TERF1: variants seen among roughly 807,000 people sequenced by gnomAD.
The protein encoded by TERF1 is telomeric repeat-binding factor 1.
Under a neutral mutation model 55.1 loss-of-function variants are expected in TERF1, and 20 were observed. The observed-to-expected ratio is 0.36, with a 90% CI of 0.26 to 0.53. The LOEUF is 0.53. Ranked by LOEUF, TERF1 falls within the 20% of genes least tolerant of loss-of-function variation. The pLI, the probability that TERF1 is intolerant of heterozygous loss-of-function variation, is 0.91. For synonymous variants in TERF1, 168 were observed against 181.2 expected, an observed-to-expected ratio of 0.93 and a Z score of 0.59; for missense variants, 439 against 535.7, an observed-to-expected ratio of 0.82 and a Z score of 1.78.
intron 4 of TERF1, among the ~76,000 whole-genome samples, chr8:73,023,955 G>T (rs1053118247): frequency 6.6e-6 from 1 of 152,092 alleles, no homozygotes; most frequent in African/African-American, 2.4e-5. Flanking sequence ...TAGAATAGCT[G>T]GTTTCACTTT....
At position 73,045,306 on chromosome 8, in the gene TERF1, G is replaced by A. The variant is rs574139540; in HGVS notation, c.1144-655G>A. 1.1e-3 allele frequency among the ~76,000 whole-genome samples: 162 copies of A among 152,270 alleles called. 3 individuals carry two copies. In the South Asian group the frequency reaches 0.032, roughly 30 times the overall value. ...TAGTCTAGACACAGTAAATAACCAC[G>A]CAGATGGTCAAATTGCTCTTTCAGC... On this transcript the variant is annotated intron_variant, in intron 9 of 9. Transcript: ENST00000276603.
intron 3 of TERF1, among the ~76,000 whole-genome samples, chr8:73,021,878 T>A (rs1196366944): frequency 1.3e-5 from 2 of 152,212 alleles, no homozygotes; most frequent in African/African-American, 4.8e-5. Context: ...ATTTCCCTTT[T>A]ACTCAAAATT....
Position 73,026,973 on chromosome 8 carries a change from A to G in TERF1, c.808A>G (p.Arg270Gly). The G allele has an allele frequency of 6.2e-7, 1 of 1,612,170 alleles. No homozygotes were observed. Among genetic ancestry groups the G allele is most frequent in the Middle Eastern group, 2.1e-4 (1 of 4,816 alleles). ...AAKVVESKRT[R>G]TITSQDKPSG... ...AAAAGTAGTAGAAAGCAAAAGGACA[A>G]GAACAATAACTTCTCAAGATAAACC... The change falls in exon 6 of 10, where the codon AGA becomes GGA. Residue 270 changes from arginine (R) to glycine (G), a missense_variant. Physicochemically the swap from Arg to Gly is moderately radical, Grantham distance 125. Transcript: ENST00000276603.
intron 9 of TERF1, among the ~76,000 whole-genome samples, chr8:73,040,001 C>CTTTT (rs33975806): frequency 1.7e-5 from 2 of 114,350 alleles, no homozygotes; most frequent in African/African-American, 3.3e-5. Flanking sequence ...TCGAAGGTGC[C>CTTTT]TTTTTTTTTT....
At chr8:73,023,638 C>A (rs1490480297) in intron 4 of TERF1, among the ~76,000 whole-genome samples, 1 of 152,080 alleles carries the variant, frequency 6.6e-6, no homozygotes, top group Non-Finnish European at 1.5e-5. Context: ...CTTATACCTC[C>A]CAGAAGAGGA....
At chr8:73,026,122 C>T (rs957903651) in intron 5 of TERF1, among the ~76,000 whole-genome samples, 2 of 141,506 alleles carry the variant, frequency 1.4e-5, no homozygotes, top group African/African-American at 2.7e-5. Flanking sequence ...TTGCTTGAAC[C>T]CAGGAGGTTG....
chr8:73,023,471 G>A (rs1025513943), intron 4 of TERF1, among the ~76,000 whole-genome samples: 5 of 152,178 alleles, frequency 3.3e-5, no homozygotes, highest in Admixed American at 2.6e-4. Context: ...AGAGTAGGTT[G>A]GGCAGTTTTG....
At chr8:73,024,641 A>G (rs1017317489) in intron 4 of TERF1, among the ~76,000 whole-genome samples, 181 bp from the exon 5 acceptor site, 2 of 150,182 alleles carry the variant, frequency 1.3e-5, no homozygotes, top group Non-Finnish European at 2.9e-5. Flanking sequence ...TAAAATGAGG[A>G]GAGGCCAGAA....
chr8:73,037,116 A>G (rs1809553555), intron 8 of TERF1, among the ~76,000 whole-genome samples: 1 of 134,446 alleles, frequency 7.4e-6, no homozygotes, highest in South Asian at 2.1e-4. Flanking sequence ...ATAAAACCCC[A>G]TATATACTAT....
intron 5 of TERF1, among the ~76,000 whole-genome samples, chr8:73,025,408 G>C (rs1349099271): frequency 1.3e-5 from 2 of 150,764 alleles, no homozygotes; most frequent in Admixed American, 1.3e-4. Flanking sequence ...TCAGGAGTTC[G>C]AGACTAGCCT....
Position 73,046,333 on chromosome 8 carries a change from T to C in TERF1, c.*196T>C. On this transcript the variant is annotated 3_prime_UTR_variant, in exon 10 of 10. Coordinates refer to ENST00000276603, the MANE Select transcript of TERF1 (RefSeq NM_017489.3). The stretch of plus-strand genomic sequence containing the variant: ...TCATTGTATTCTTTAAGAACCTTAT[T>C]TTGATAAAATGTAAATTTGTTGAAC... 1 of 377,488 alleles carries C rather than the reference T, an allele frequency of 2.6e-6. No homozygotes were observed. Among genetic ancestry groups the C allele is most frequent in the East Asian group, 4.3e-5 (1 of 23,404 alleles). The allele number at this position is 377,488 out of a possible 1,614,324, so 23.4% of individuals were successfully genotyped here. A position where few individuals can be genotyped will look rare whatever the true frequency, so the allele number is the denominator to read the frequency against.
At chr8:73,026,864 T>C (rs1809028837) in intron 5 of TERF1, 76 bp from the exon 6 acceptor site, 1 of 1,104,266 alleles carries the variant, frequency 9.1e-7, no homozygotes, top group African/African-American at 1.6e-5. Context: ...ATTACAAGGC[T>C]TAATTTAATG....
At chr8:73,030,206 G>A (rs988301544) in intron 6 of TERF1, 130 bp from the exon 7 acceptor site, 7 of 586,096 alleles carry the variant, frequency 1.2e-5, no homozygotes, top group East Asian at 3.3e-5. Flanking sequence ...TATATGTCCC[G>A]ATGTTACCAA....
chr8:73,013,937 G>A lies in TERF1; in HGVS notation c.362G>A (p.Arg121Lys), dbSNP rs770304702. The change falls in exon 2 of 10, where the codon AGA (arginine) becomes AAA (lysine). Residue 121 changes from arginine (R) to lysine (K), a missense_variant. By Grantham distance (26) the Arg-to-Lys change is conservative. Coordinates refer to ENST00000276603, the MANE Select transcript of TERF1 (RefSeq NM_017489.3). The stretch of plus-strand genomic sequence containing the variant: ...TCCAGTCTAACAGCTTGCCAGTTGA[G>A]AACGATATACATATGTCAGTTTTTG... ...GLSSLTACQL[R>K]TIYICQFLTR... 2.5e-6 allele frequency: 4 copies of A among 1,611,226 alleles called. No individual in the cohort carries two copies. In the African/African-American group the frequency reaches 5.3e-5, roughly 22 times the overall value.
At chr8:73,017,437 G>A (rs946460706) in intron 2 of TERF1, among the ~76,000 whole-genome samples, 2 of 152,140 alleles carry the variant, frequency 1.3e-5, no homozygotes, top group African/African-American at 2.4e-5. Context: ...CTGACACTCA[G>A]TGTTAGTTAC....
chr8:73,044,650 A>G (rs905431041), intron 9 of TERF1, among the ~76,000 whole-genome samples: 3 of 152,174 alleles, frequency 2.0e-5, no homozygotes, highest in South Asian at 4.1e-4. Flanking sequence ...CCATCTATCA[A>G]TAGCACTCTT....
At chr8:73,012,634 T>G in intron 1 of TERF1, 1 of 213,740 alleles carries the variant, frequency 4.7e-6, no homozygotes, top group Non-Finnish European at 9.8e-6. Flanking sequence ...GATGCACCAT[T>G]GCACTCCAGC....
intron 2 of TERF1, among the ~76,000 whole-genome samples, chr8:73,017,868 A>C (rs1808583953): frequency 6.6e-6 from 1 of 151,978 alleles, no homozygotes; most frequent in African/African-American, 2.4e-5. Context: ...ATGCCTGACT[A>C]ATTTTTCTAT....
At chr8:73,017,564 C>T (rs1417761289) in intron 2 of TERF1, among the ~76,000 whole-genome samples, 1 of 152,114 alleles carries the variant, frequency 6.6e-6, no homozygotes, top group Non-Finnish European at 1.5e-5. Flanking sequence ...ATCCTTAATG[C>T]CCCAATTTGG....
Sources: allele counts gnomAD v4.1 joint callset (sites outside exome capture counted in the v4.1 genomes callset), GRCh38; gene constraint gnomAD v4.1.1; transcripts MANE v1.5; gene names NCBI Gene and HGNC (gene_info 2026-07-23, HGNC 2026-07-21).